GNL3: variants seen among roughly 807,000 people sequenced by gnomAD.
The protein encoded by GNL3 is guanine nucleotide-binding protein-like 3.
GNL3 carries 77 observed loss-of-function variants against 70.6 expected under a neutral mutation model. That is an observed-to-expected ratio of 1.09 (90% CI 0.91 to 1.32). GNL3 has a LOEUF of 1.32. Ranked by LOEUF, GNL3 falls within the 40% of genes most tolerant of loss-of-function variation. The probability of loss-of-function intolerance (pLI) is 0.00; values close to 1 mark genes in which losing one functional copy is unlikely to be tolerated. For synonymous variants in GNL3, 252 were observed against 216.1 expected, an observed-to-expected ratio of 1.17 and a Z score of -1.46; for missense variants, 634 against 644.0, an observed-to-expected ratio of 0.98 and a Z score of 0.17.
chr3:52,694,157 A>G (rs2097330372), intron 14 of GNL3, 36 bp from the exon 15 acceptor site: 2 of 1,593,506 alleles, frequency 1.3e-6, no homozygotes, highest in Non-Finnish European at 1.7e-6. Flanking sequence ...AATCACTTTT[A>G]CTTTTTGAAA....
At position 52,690,680 on chromosome 3, in the gene GNL3, A is replaced by G. The variant is rs1306390147; in HGVS notation, c.630A>G (p.Pro210=). 1 of 1,589,448 alleles carries G rather than the reference A, an allele frequency of 6.3e-7. No homozygotes were observed. Among genetic ancestry groups the G allele is most frequent in the Admixed American group, 1.7e-5 (1 of 59,978 alleles). The change falls in exon 7 of 15, where the codon CCA becomes CCG. Residue 210 remains proline, a synonymous_variant. Transcript: ENST00000418458. ...PTVVFRASTK[P]KDKGKITKRV... ...TGGTGTTCAGAGCCTCAACAAAACC[A>G]AAGGATAAAGGGAAGATAACCAAGG...
In GNL3 at chr3:52,691,597, G is replaced by A; in HGVS notation, c.837G>A (p.Met279Ile). ...SIINSLKQEQ[M>I]CNVGVSMGLT... is the part of the protein sequence containing the mutation. ...TCAATAGCTTAAAACAAGAACAGAT[G>A]TGTAATGTTGGTGTATCCATGGGGC... Residue 279 changes from methionine (M) to isoleucine (I), a missense_variant, in exon 9 of 15, where the codon ATG (methionine) becomes ATA (isoleucine). Coordinates refer to ENST00000418458, the MANE Select transcript of GNL3 (RefSeq NM_014366.5). 6.3e-7 allele frequency: 1 copy of A among 1,599,588 alleles called. No homozygotes were observed. Among genetic ancestry groups the A allele is most frequent in the Non-Finnish European group, 8.6e-7 (1 of 1,167,210 alleles).
chr3:52,686,318 C>T (rs1365297698), intron 1 of GNL3: 1 of 609,070 alleles, frequency 1.6e-6, no homozygotes, highest in Non-Finnish European at 2.9e-6. Flanking sequence ...GGAACGAAGC[C>T]GGGCAGAGGG....
intron 4 of GNL3, 123 bp downstream of exon 4, chr3:52,687,738 T>A: frequency 1.6e-6 from 1 of 635,814 alleles, no homozygotes; most frequent in Admixed American, 2.8e-5. Flanking sequence ...GCTCAAGCAG[T>A]CTTACCACCT....
rs954646125 is a variant in GNL3 at position 52,693,644 on chromosome 3, C to T, written c.1337C>T (p.Pro446Leu). 2.2e-5 allele frequency: 35 copies of T among 1,613,888 alleles called. No homozygotes were observed. Among genetic ancestry groups the T allele is most frequent in the Non-Finnish European group, 2.7e-5 (32 of 1,179,960 alleles). Residue 446 changes from proline (P) to leucine (L), a missense_variant, in exon 13 of 15, where the codon CCT becomes CTT. Physicochemically the swap from Pro to Leu is moderately conservative, Grantham distance 98. Transcript: ENST00000418458. The stretch of plus-strand genomic sequence containing the variant: ...CTTTCTTTCCCAGCCATCAAGGGCC[C>T]TCATTTGGCCAATAGCATCCTTTTC... The part of the protein sequence containing the change: ...NAQSIRAIKG[P>L]HLANSILFQS...
At chr3:52,685,988 C>T (rs1158847901), upstream of GNL3, 33 of 770,054 alleles carry the variant, frequency 4.3e-5, no homozygotes, top group African/African-American at 8.5e-5. Context: ...CGGTGACGCA[C>T]TTTACGGCGG....
intron 5 of GNL3, 130 bp downstream of exon 5, chr3:52,688,322 G>T: frequency 1.6e-6 from 1 of 615,670 alleles, no homozygotes. Context: ...GCGTCATAGG[G>T]GTTTGCTGTA....
chr3:52,689,106 GTTGGATGC>G lies in GNL3; in HGVS notation c.442_449del (p.Leu148GlnfsTer29). 1 of 1,613,148 alleles carries G rather than the reference GTTGGATGC, an allele frequency of 6.2e-7. No individual in the cohort carries two copies. The highest frequency in any genetic ancestry group is 8.5e-7 in the Non-Finnish European group (1 of 1,179,054). On this transcript the variant is annotated frameshift_variant, in exon 6 of 15. Coordinates refer to ENST00000418458, the MANE Select transcript of GNL3 (RefSeq NM_014366.5). LOFTEE classifies it high-confidence loss of function. ...AAGCCTCCGATGTTGTCCTAGAGGTGTTGGATGCCAGAGATCCTCTTGGTTGCAGATGT... is the reference window on the plus strand; with the variant it reads ...AAGCCTCCGATGTTGTCCTAGAGGTGCAGAGATCCTCTTGGTTGCAGATGT...
rs188294925 is a variant in GNL3, at chr3:52,694,207, A to C, written c.1582A>C (p.Arg528=). Residue 528 remains arginine, a synonymous_variant, in exon 15 of 15, where the codon AGG becomes CGG. Transcript: ENST00000418458. The stretch of plus-strand genomic sequence containing the variant: ...CTGCAATATAGGTGAACAGTCTACA[A>C]GGTCTTTTATCTTGGATAAAATCAT... The part of the protein sequence containing the change: ...EETTAGEQST[R]SFILDKIIEE... 6.2e-7 allele frequency: 1 copy of C among 1,600,660 alleles called. No homozygotes were observed. Among genetic ancestry groups the C allele is most frequent in the Admixed American group, 1.7e-5 (1 of 60,004 alleles).
At position 52,686,071 on chromosome 3, in the gene GNL3, T is replaced by A. The variant is rs370184667; in HGVS notation, c.-22T>A. 1 of 1,118,184 alleles carries A rather than the reference T, an allele frequency of 8.9e-7. No homozygotes were observed. Among genetic ancestry groups the A allele is most frequent in the Non-Finnish European group, 1.4e-6 (1 of 726,372 alleles). 69.3% of individuals were successfully genotyped at this position (1,118,184 alleles called of 1,614,324 possible). On this transcript the variant is annotated 5_prime_UTR_variant, in exon 1 of 15. It introduces an in-frame stop codon into an upstream open reading frame of the 5' UTR. Coordinates refer to ENST00000418458, the MANE Select transcript of GNL3 (RefSeq NM_014366.5). Reference sequence around the variant, plus strand: ...GCCAGCGGAGGCAGGTTGATGTGTTTGTGCTTCCTTCTACAGCCAATATGA... The same window carrying A: ...GCCAGCGGAGGCAGGTTGATGTGTTAGTGCTTCCTTCTACAGCCAATATGA...
chr3:52,693,789 T>G lies in GNL3; in HGVS notation c.1482T>G (p.Thr494=). 1 of 1,613,800 alleles carries G rather than the reference T, an allele frequency of 6.2e-7. No homozygotes were observed. Among genetic ancestry groups the G allele is most frequent in the Non-Finnish European group, 8.5e-7 (1 of 1,179,816 alleles). Residue 494 remains threonine, a synonymous_variant, in exon 13 of 15, where the codon ACT becomes ACG. Coordinates refer to ENST00000418458, the MANE Select transcript of GNL3 (RefSeq NM_014366.5). ...REDDKDSDQE[T]VDEEVDENSS... ...ATGACAAAGACAGTGACCAGGAAAC[T>G]GTTGATGAAGAAGTTGATGTAAGTG... is the stretch of plus-strand genomic sequence containing the variant.
intron 6 of GNL3, among the ~76,000 whole-genome samples, chr3:52,690,331 C>T (rs1357001672): frequency 1.3e-5 from 2 of 152,124 alleles, no homozygotes; most frequent in Non-Finnish European, 2.9e-5. Context: ...GGCGCCATCT[C>T]AGCTCACTGC....
At chr3:52,692,791 A>G (rs377170606) in intron 9 of GNL3, 81 bp from the exon 10 acceptor site, 7 of 1,106,022 alleles carry the variant, frequency 6.3e-6, no homozygotes, top group Middle Eastern at 2.0e-4. Context: ...AGTCTGTTCA[A>G]TCCAACCCTG....
At chr3:52,691,159 T>C in intron 8 of GNL3, 88 bp downstream of exon 8, 2 of 1,178,302 alleles carry the variant, frequency 1.7e-6, no homozygotes, top group African/African-American at 1.5e-5. Flanking sequence ...AGCAGCAGTG[T>C]ATGGAGTTGT....
chr3:52,689,044 A>G, intron 5 of GNL3, 30 bp from the exon 6 acceptor site: 2 of 1,596,046 alleles, frequency 1.3e-6, no homozygotes, highest in Non-Finnish European at 1.7e-6. Flanking sequence ...CTCCTTGATA[A>G]TGTAGTTCTG....
At chr3:52,694,135 A>G in intron 14 of GNL3, 32 bp downstream of exon 14, 1 of 1,592,118 alleles carries the variant, frequency 6.3e-7, no homozygotes, top group Non-Finnish European at 8.6e-7. Flanking sequence ...CTAACGAAGC[A>G]GCATGGTATA....
intron 5 of GNL3, among the ~76,000 whole-genome samples, chr3:52,688,638 T>C (rs1228463942): frequency 6.6e-6 from 1 of 152,210 alleles, no homozygotes; most frequent in Non-Finnish European, 1.5e-5. Flanking sequence ...TAAAGTACTC[T>C]GTTGAAACCT....
chr3:52,691,947 C>T (rs1246979568), intron 9 of GNL3, among the ~76,000 whole-genome samples: 1 of 152,112 alleles, frequency 6.6e-6, no homozygotes, highest in Non-Finnish European at 1.5e-5. Context: ...CTGATCTGCC[C>T]GCCTCGGCCT....
At position 52,692,905 on chromosome 3, in the gene GNL3, C is replaced by T. The variant is rs142623552; in HGVS notation, c.903C>T (p.Ile301=). ...AAGTTGTCCCCTTGGACAAACAGAT[C>T]ACAATCATAGATAGTCCGAGCTTCA... is the stretch of plus-strand genomic sequence containing the variant. The part of the protein sequence containing the change: ...SMQVVPLDKQ[I]TIIDSPSFIV... The change falls in exon 10 of 15, where the codon ATC becomes ATT. Residue 301 remains isoleucine (I), a synonymous_variant. Transcript: ENST00000418458. 1.2e-6 allele frequency: 2 copies of T among 1,613,426 alleles called. No individual in the cohort carries two copies. The highest frequency in any genetic ancestry group is 2.2e-5 in the East Asian group (1 of 44,860).
Sources: allele counts gnomAD v4.1 joint callset (sites outside exome capture counted in the v4.1 genomes callset), GRCh38; gene constraint gnomAD v4.1.1; transcripts MANE v1.5; gene names NCBI Gene and HGNC (gene_info 2026-07-23, HGNC 2026-07-21).